The following RAB11FIP3 variants were observed in gnomAD, a reference collection of about 807,000 sequenced individuals.
RAB11FIP3 encodes the protein rab11 family-interacting protein 3.
In RAB11FIP3, 17 loss-of-function variants were observed where a neutral mutation model predicts 77.8. The ratio of observed to expected loss-of-function variants is 0.22; its 90% CI spans 0.15 to 0.33. The LOEUF (loss-of-function observed/expected upper bound fraction) is 0.33. RAB11FIP3 is among the 10% of genes least tolerant of loss of function. RAB11FIP3 has a pLI of 1.00. For missense variants in RAB11FIP3, 1,005 were observed against 1,011.2 expected (o/e 0.99, Z 0.08); for synonymous variants, 437 against 448.2 (o/e 0.98, Z 0.31).
In RAB11FIP3 at chr16:426,621, C is replaced by A; in HGVS notation, c.615C>A (p.Pro205=). Reference sequence around the variant, plus strand: ...CCGTGGGGAGTCAGGAGGACGGCCCCCGCCTCCGAGCCGTGTTCGATGCCC... The same window carrying A: ...CCGTGGGGAGTCAGGAGGACGGCCCACGCCTCCGAGCCGTGTTCGATGCCC... The part of the protein sequence containing the change: ...SEPVGSQEDG[P]RLRAVFDALD... The change falls in exon 1 of 14, where the codon CCC becomes CCA. Residue 205 remains proline (P), a synonymous_variant. Coordinates refer to ENST00000262305, the MANE Select transcript of RAB11FIP3 (RefSeq NM_014700.4). This position sits in a 1 kb window ranked among gnomAD's most constrained non-coding sequence, Gnocchi z 5.0. 6.3e-7 allele frequency: 1 copy of A among 1,594,656 alleles called. No individual in the cohort carries two copies. The highest frequency in any genetic ancestry group is 1.1e-5 in the South Asian group (1 of 88,708).
chr16:489,079 G>A (rs531867895), intron 5 of RAB11FIP3, 79 bp downstream of exon 5: 14 of 1,437,586 alleles, frequency 9.7e-6, no homozygotes, highest in East Asian at 4.9e-5. Context: ...TTTTTGGTTC[G>A]TGCATTGGTG....
chr16:504,672 A>G (rs111163707), intron 7 of RAB11FIP3, among the ~76,000 whole-genome samples: 39 of 244 alleles, frequency 0.16, no homozygotes, highest in Non-Finnish European at 0.22. Flanking sequence ...CACCCCCCTT[A>G]CCTCCTGTAC....
chr16:446,718 C>T (rs986112845), intron 1 of RAB11FIP3, among the ~76,000 whole-genome samples: 3 of 151,418 alleles, frequency 2.0e-5, no homozygotes, highest in Middle Eastern at 3.4e-3. Flanking sequence ...TTTTTTGAGA[C>T]GCACTCTCGC....
intron 1 of RAB11FIP3, among the ~76,000 whole-genome samples, chr16:442,709 T>C (rs895179825): frequency 6.6e-6 from 1 of 152,192 alleles, no homozygotes; most frequent in Admixed American, 6.5e-5. Flanking sequence ...TGTGTCTTCG[T>C]GGGCAGGAGC....
At chr16:458,689 GCCA>G in intron 1 of RAB11FIP3, among the ~76,000 whole-genome samples, 1 of 149,222 alleles carries the variant, frequency 6.7e-6, no homozygotes, top group Non-Finnish European at 1.5e-5. Context: ...CAGGGCTCCT[GCCA>G]GCCTGTTGCC....
chr16:494,331 T>G (rs913695620), intron 5 of RAB11FIP3, among the ~76,000 whole-genome samples: 9 of 151,486 alleles, frequency 5.9e-5, no homozygotes, highest in African/African-American at 2.2e-4. Context: ...TAAAATTAAA[T>G]TTGTATTAAG....
At chr16:487,842 CGCA>C (rs1276066159) in intron 4 of RAB11FIP3, among the ~76,000 whole-genome samples, 2 of 152,182 alleles carry the variant, frequency 1.3e-5, no homozygotes, top group Non-Finnish European at 2.9e-5. Flanking sequence ...CTTTCCCTGT[CGCA>C]GCTGCTGTTA....
intron 1 of RAB11FIP3, among the ~76,000 whole-genome samples, chr16:432,837 C>T (rs1220612912): frequency 6.6e-6 from 1 of 151,482 alleles, no homozygotes; most frequent in East Asian, 2.0e-4. Flanking sequence ...AACTCTTGAC[C>T]TCGTGATCCA....
intron 2 of RAB11FIP3, among the ~76,000 whole-genome samples, chr16:465,338 C>T (rs1329459521): frequency 6.6e-6 from 1 of 152,092 alleles, no homozygotes; most frequent in African/African-American, 2.4e-5. Flanking sequence ...GAGGCAGTTA[C>T]CACTTCCATG....
At chr16:491,068 G>A (rs113107669) in intron 5 of RAB11FIP3, 32 of 1,248,144 alleles carry the variant, frequency 2.6e-5, no homozygotes, top group African/African-American at 9.3e-5. Flanking sequence ...TCGGCCCCTC[G>A]TGCGGAGTCA....
At chr16:483,415 C>T (rs934277641) in intron 4 of RAB11FIP3, among the ~76,000 whole-genome samples, 2 of 152,180 alleles carry the variant, frequency 1.3e-5, no homozygotes, top group Non-Finnish European at 2.9e-5. Flanking sequence ...GGGCCCCTCC[C>T]TTTGGAACTG....
At chr16:469,115 G>T (rs1359142184) in intron 2 of RAB11FIP3, among the ~76,000 whole-genome samples, 2 of 151,986 alleles carry the variant, frequency 1.3e-5, no homozygotes, top group African/African-American at 4.8e-5. Context: ...GCCCAGGCTG[G>T]AGTGCAGTGG....
chr16:458,708 C>T (rs2055552142), intron 1 of RAB11FIP3, among the ~76,000 whole-genome samples: 1 of 150,328 alleles, frequency 6.7e-6, no homozygotes. Flanking sequence ...TTGCCTCTCC[C>T]TGTCCCTGAG....
At chr16:484,404 T>A (rs1416515545) in intron 4 of RAB11FIP3, among the ~76,000 whole-genome samples, 3 of 151,604 alleles carry the variant, frequency 2.0e-5, no homozygotes, top group Non-Finnish European at 4.4e-5. Context: ...CAGGCTGGAG[T>A]GCAGTGGTGC....
At chr16:451,947 G>A (rs1041791846) in intron 1 of RAB11FIP3, among the ~76,000 whole-genome samples, 4 of 152,154 alleles carry the variant, frequency 2.6e-5, no homozygotes, top group Admixed American at 6.6e-5. Context: ...TCAGGAGTTG[G>A]AGACCAGCCT....
In RAB11FIP3 at chr16:482,593, G is replaced by T; in HGVS notation, c.972G>T (p.Thr324=). Residue 324 remains threonine, a synonymous_variant, in exon 4 of 14, where the codon ACG becomes ACT. Coordinates refer to ENST00000262305, the MANE Select transcript of RAB11FIP3 (RefSeq NM_014700.4). ...ESTYSECETF[T]DEDTSTLVHP... ...CCTACAGTGAGTGTGAGACCTTCAC[G>T]GACGAGGACACCAGCACCCTGGTGC... is the stretch of plus-strand genomic sequence containing the variant. 6.2e-7 allele frequency: 1 copy of T among 1,613,614 alleles called. No individual in the cohort carries two copies. The highest frequency in any genetic ancestry group is 8.5e-7 in the Non-Finnish European group (1 of 1,180,036).
chr16:492,420 GC>G (rs1170038889), intron 5 of RAB11FIP3, among the ~76,000 whole-genome samples: 31 of 140,922 alleles, frequency 2.2e-4, no homozygotes, highest in African/African-American at 7.2e-4. Context: ...GCCGCCCAGG[GC>G]CCTCCCCGGG....
intron 4 of RAB11FIP3, among the ~76,000 whole-genome samples, chr16:485,053 G>T (rs908604112): frequency 6.6e-6 from 1 of 152,106 alleles, no homozygotes; most frequent in African/African-American, 2.4e-5. Flanking sequence ...TGCACCTTTT[G>T]TCAGGGTGGG....
intron 1 of RAB11FIP3, among the ~76,000 whole-genome samples, chr16:436,763 C>T (rs1447400690): frequency 6.6e-6 from 1 of 152,120 alleles, no homozygotes; most frequent in African/African-American, 2.4e-5. Flanking sequence ...AGCTACCGCG[C>T]CCAGCCTTAT....
Sources: allele counts gnomAD v4.1 joint callset (sites outside exome capture counted in the v4.1 genomes callset), GRCh38; gene constraint gnomAD v4.1.1; non-coding constraint Gnocchi (gnomAD v3.1); transcripts MANE v1.5; gene names NCBI Gene and HGNC (gene_info 2026-07-23, HGNC 2026-07-21).